The following GGTA1 variants were observed in gnomAD, a reference collection of about 807,000 sequenced individuals.
The protein encoded by GGTA1 is glycoprotein alpha-galactosyltransferase 1 (inactive).
GGTA1 carries 5 observed loss-of-function variants against 2.6 expected under a neutral mutation model. That is an observed-to-expected ratio of 1.92 (90% CI 1.00 to 4.04). The LOEUF is 4.04. GGTA1 is among the 30% of genes most tolerant of loss of function. The pLI is 0.00. For missense variants in GGTA1, 50 were observed against 16.7 expected (o/e 2.99, Z -3.47); for synonymous variants, 17 against 5.0 (o/e 3.38, Z -3.19).
At chr9:121,470,419 A>G (rs1268531510) in intron 1 of GGTA1, among the ~76,000 whole-genome samples, 1 of 152,184 alleles carries the variant, frequency 6.6e-6, no homozygotes, top group African/African-American at 2.4e-5. Context: ...TCCCACTTGA[A>G]TATGTTAATT....
At chr9:121,450,147 G>A (rs893372973), downstream of GGTA1, among the ~76,000 whole-genome samples, 3 of 152,300 alleles carry the variant, frequency 2.0e-5, no homozygotes, top group South Asian at 4.1e-4. Context: ...TGCTTTTAAT[G>A]TTGGCATGTG....
At chr9:121,448,246 A>G (rs1243981467) in intron 7 of GGTA1, among the ~76,000 whole-genome samples, 1 of 152,192 alleles carries the variant, frequency 6.6e-6, no homozygotes, top group Non-Finnish European at 1.5e-5. Context: ...ATCTCCATTC[A>G]AAAGCCCTAA....
chr9:121,482,539 C>T (rs545356628), intron 1 of GGTA1, among the ~76,000 whole-genome samples: 7 of 152,230 alleles, frequency 4.6e-5, no homozygotes, highest in East Asian at 1.9e-4. Flanking sequence ...GAGGCTGAGG[C>T]GGGTGGATCT....
At chr9:121,456,088 A>C (rs1564650492) in intron 5 of GGTA1, among the ~76,000 whole-genome samples, 1 of 151,536 alleles carries the variant, frequency 6.6e-6, no homozygotes. Flanking sequence ...AACCCACAAA[A>C]CCCCCCAAAA....
downstream of GGTA1, among the ~76,000 whole-genome samples, chr9:121,450,989 C>A (rs2064875457): frequency 6.6e-6 from 1 of 152,058 alleles, no homozygotes; most frequent in Non-Finnish European, 1.5e-5. Context: ...TCAACCTGAG[C>A]CTTCAAGTCT....
Position 121,489,986 on chromosome 9 carries a change from G to A in GGTA1, c.-10+9664C>T, listed in dbSNP as rs1318282639. 2.6e-5 allele frequency among the ~76,000 whole-genome samples: 4 copies of A among 152,150 alleles called. No homozygotes were observed. In the East Asian group the frequency reaches 5.8e-4, roughly 22 times the overall value. On this transcript the variant is annotated intron_variant, in intron 1 of 5. Transcript: ENST00000481799. ...GTCTGTAAGATGGTGACTCATTCACGTATTTGATTATTTTTGGTAAATCAA... is the reference window on the plus strand; with the variant it reads ...GTCTGTAAGATGGTGACTCATTCACATATTTGATTATTTTTGGTAAATCAA...
intron 1 of GGTA1, among the ~76,000 whole-genome samples, chr9:121,486,623 T>C (rs1483759234): frequency 6.6e-6 from 1 of 152,316 alleles, no homozygotes; most frequent in East Asian, 1.9e-4. Flanking sequence ...AAGGGCACCA[T>C]CTCATTGCCT....
chr9:121,490,051 G>A (rs1383158915), intron 1 of GGTA1, among the ~76,000 whole-genome samples: 3 of 152,174 alleles, frequency 2.0e-5, no homozygotes, highest in East Asian at 3.8e-4. Context: ...ACATTTAAAG[G>A]AACTTGCGAA....
At chr9:121,460,969 C>T (rs1254072565) in intron 4 of GGTA1, among the ~76,000 whole-genome samples, 3 of 151,210 alleles carry the variant, frequency 2.0e-5, no homozygotes, top group African/African-American at 4.9e-5. Context: ...TCTAGCTACT[C>T]GTGAGGCTGA....
Position 121,476,700 on chromosome 9 carries a change from C to T in GGTA1, c.-9-8769G>A, listed in dbSNP as rs1231375360. ...TGCATAGGAACCACCAACCAATATG[C>T]GCTGAATGCAGAGGCTGACTTACCA... On this transcript the variant is annotated intron_variant, in intron 1 of 5. Transcript: ENST00000481799. The surrounding 1 kb of genome is among the most constrained non-coding windows in gnomAD (Gnocchi z 4.6). Among the ~76,000 whole-genome samples the T allele has an allele frequency of 3.9e-5, 6 of 152,172 alleles. No homozygotes were observed. Among genetic ancestry groups the T allele is most frequent in the Non-Finnish European group, 4.4e-5 (3 of 68,038 alleles).
chr9:121,482,226 G>C (rs988497312), intron 1 of GGTA1, among the ~76,000 whole-genome samples: 2 of 151,984 alleles, frequency 1.3e-5, no homozygotes, highest in African/African-American at 4.8e-5. Flanking sequence ...CCAGCACTTT[G>C]GGAGGCTGAG....
chr9:121,446,017 G>C (rs1182986331), exon 8 of GGTA1: 1 of 152,240 alleles, frequency 6.6e-6, no homozygotes, highest in Admixed American at 6.5e-5. Flanking sequence ...GCAAGTTGCA[G>C]AGTCTGGTAG....
intron 2 of GGTA1, among the ~76,000 whole-genome samples, 161 bp from the exon 3 acceptor site, chr9:121,463,489 A>C (rs1589329572): frequency 1.3e-5 from 2 of 152,254 alleles, no homozygotes; most frequent in East Asian, 3.9e-4. Context: ...TGACATCAGG[A>C]GGATGGAAAT....
At chr9:121,477,086 C>G (rs10818550) in intron 1 of GGTA1, among the ~76,000 whole-genome samples, 44,831 of 152,164 alleles carry the variant, frequency 0.29, 6,898 homozygotes, top group Middle Eastern at 0.39. Context: ...TCACAGCCAC[C>G]TCGTGCTCCA....
downstream of GGTA1, chr9:121,452,409 C>A (rs562851654): frequency 6.6e-6 from 1 of 152,592 alleles, no homozygotes; most frequent in African/African-American, 2.4e-5. Flanking sequence ...TGTAGCTTAA[C>A]GCCAAACACT....
chr9:121,486,906 G>A (rs1828767003), intron 1 of GGTA1, among the ~76,000 whole-genome samples: 1 of 152,192 alleles, frequency 6.6e-6, no homozygotes, highest in Non-Finnish European at 1.5e-5. Context: ...CCCATCTGCA[G>A]AAGAGGTGAG....
intron 1 of GGTA1, among the ~76,000 whole-genome samples, chr9:121,478,911 G>C (rs1828574087): frequency 6.6e-6 from 1 of 150,508 alleles, no homozygotes; most frequent in African/African-American, 2.4e-5. Context: ...AATTCTGAGA[G>C]GGCTCTGCCT....
At chr9:121,454,516 A>T (rs1232372914), downstream of GGTA1, among the ~76,000 whole-genome samples, 1 of 152,222 alleles carries the variant, frequency 6.6e-6, no homozygotes, top group Non-Finnish European at 1.5e-5. Flanking sequence ...AGAAACTAGC[A>T]CAGATAAGTC....
Position 121,455,664 on chromosome 9 carries a change from C to T in GGTA1, c.*173G>A, listed in dbSNP as rs1267351097. ...GTTCCCTGCTCTATACCAGGTCATCCTGCTAAGCGCTGAGATGGGAGAAAT... is the reference window on the plus strand; with the variant it reads ...GTTCCCTGCTCTATACCAGGTCATCTTGCTAAGCGCTGAGATGGGAGAAAT... On this transcript the variant is annotated 3_prime_UTR_variant, in exon 6 of 6. Transcript: ENST00000481799. The T allele has an allele frequency of 7.1e-6, 2 of 283,270 alleles. No homozygotes were observed. Among genetic ancestry groups the T allele is most frequent in the African/African-American group, 4.4e-5 (2 of 45,658 alleles). 17.5% of individuals were successfully genotyped at this position (283,270 alleles called of 1,614,324 possible). A position where few individuals can be genotyped will look rare whatever the true frequency, so the allele number is the denominator to read the frequency against.
Sources: allele counts gnomAD v4.1 joint callset (sites outside exome capture counted in the v4.1 genomes callset), GRCh38; gene constraint gnomAD v4.1.1; non-coding constraint Gnocchi (gnomAD v3.1); transcripts MANE v1.5; gene names NCBI Gene and HGNC (gene_info 2026-07-23, HGNC 2026-07-21).